The following NECTIN1 variants were observed in gnomAD, a reference collection of about 807,000 sequenced individuals.
NECTIN1 encodes the protein nectin cell adhesion molecule 1.
Under a neutral mutation model 48.0 loss-of-function variants are expected in NECTIN1, and 23 were observed. That is an observed-to-expected ratio of 0.48 (90% CI 0.34 to 0.68). NECTIN1 has a LOEUF of 0.68. NECTIN1 is among the 30% of genes least tolerant of loss of function. The probability of loss-of-function intolerance (pLI) is 0.01; values close to 1 mark genes in which losing one functional copy is unlikely to be tolerated. For synonymous variants in NECTIN1, 270 were observed against 288.9 expected (o/e 0.93, Z 0.66); for missense variants, 591 against 709.9 (o/e 0.83, Z 1.90).
Position 119,678,779 on chromosome 11 carries a change from TG to T in NECTIN1, c.80-15del. 6.3e-7 allele frequency: 1 copy of T among 1,579,186 alleles called. No homozygotes were observed. Among genetic ancestry groups the T allele is most frequent in the Non-Finnish European group, 8.6e-7 (1 of 1,159,610 alleles). ...GGGAGTGGACGCCTGGCCAGGAGGA[TG>T]GCAGCAAGTGGTCAGTGTCAGGCAC... On this transcript the variant is annotated splice_polypyrimidine_tract_variant and intron_variant, in intron 1 of 5. Transcript: ENST00000264025. The surrounding 1 kb of genome is among the most constrained non-coding windows in gnomAD (Gnocchi z 4.4).
In NECTIN1 at chr11:119,677,861, C is replaced by A. The variant is rs375284374; in HGVS notation, c.431-4G>T. 1.2e-6 allele frequency: 2 copies of A among 1,613,654 alleles called. No individual in the cohort carries two copies. The highest frequency in any genetic ancestry group is 1.7e-5 in the Admixed American group (1 of 60,016). On this transcript the variant is annotated splice_region_variant and splice_polypyrimidine_tract_variant and intron_variant, in intron 2 of 5. Transcript: ENST00000264025. This position sits in a 1 kb window ranked among gnomAD's most constrained non-coding sequence, Gnocchi z 5.4. ...TCTATCCAATTGGTGGGTTTGGCTG[C>A]GAGGAAGCAGAGAGAGTGATGGGAC...
intron 1 of NECTIN1, among the ~76,000 whole-genome samples, chr11:119,705,098 G>A (rs950340398): frequency 6.6e-6 from 1 of 152,176 alleles, no homozygotes; most frequent in Non-Finnish European, 1.5e-5. Context: ...CACATCACAG[G>A]CCAGGGTGGA....
chr11:119,652,209 G>A (rs947193995), intron 5 of NECTIN1, among the ~76,000 whole-genome samples: 2 of 152,186 alleles, frequency 1.3e-5, no homozygotes, highest in Non-Finnish European at 2.9e-5. Flanking sequence ...GGGACCAGAG[G>A]AAGGTTTTCC....
intron 1 of NECTIN1, among the ~76,000 whole-genome samples, chr11:119,717,239 G>A (rs1441441130): frequency 1.3e-5 from 2 of 152,242 alleles, no homozygotes; most frequent in Non-Finnish European, 1.5e-5. Context: ...GGTGGGGAAC[G>A]GTGCTGTGGT....
At chr11:119,676,373 T>C (rs1386247782) in intron 4 of NECTIN1, among the ~76,000 whole-genome samples, 1 of 152,186 alleles carries the variant, frequency 6.6e-6, no homozygotes, top group African/African-American at 2.4e-5. Flanking sequence ...TGGAGGATCA[T>C]AGGTAGGGCA....
chr11:119,678,463 T>C lies in NECTIN1; in HGVS notation c.382A>G (p.Thr128Ala). 1.2e-6 allele frequency: 2 copies of C among 1,614,094 alleles called. No individual in the cohort carries two copies. Among genetic ancestry groups the C allele is most frequent in the Non-Finnish European group, 1.7e-6 (2 of 1,180,018 alleles). ...CTTTCTCGATTGCCCGTAGGGAAGG[T>C]AGCAAACTCGCAGATGTAGACACCC... The part of the protein sequence containing the change: ...DEGVYICEFA[T>A]FPTGNRESQL... Residue 128 changes from threonine to alanine, a missense_variant, in exon 2 of 6, where the codon ACC (threonine) becomes GCC (alanine). Physicochemically the swap from Thr to Ala is moderately conservative, Grantham distance 58. Transcript: ENST00000264025. The surrounding 1 kb of genome is among the most constrained non-coding windows in gnomAD (Gnocchi z 4.4).
chr11:119,640,127 C>G, intron 5 of NECTIN1: 1 of 1,123,356 alleles, frequency 8.9e-7, no homozygotes, highest in South Asian at 1.3e-5. Context: ...GACATTGCAC[C>G]CCCAGCTCCC....
At chr11:119,687,945 A>G (rs1865187385) in intron 1 of NECTIN1, among the ~76,000 whole-genome samples, 1 of 151,808 alleles carries the variant, frequency 6.6e-6, no homozygotes. Flanking sequence ...TGCAGGGAAC[A>G]CTCATTCTAA....
chr11:119,680,497 G>A (rs1379492102), intron 1 of NECTIN1, among the ~76,000 whole-genome samples: 1 of 152,166 alleles, frequency 6.6e-6, no homozygotes, highest in Non-Finnish European at 1.5e-5. Context: ...TCAGCGTGAC[G>A]GGGATATTGT....
At chr11:119,689,557 G>A (rs1377356676) in intron 1 of NECTIN1, among the ~76,000 whole-genome samples, 9 of 152,212 alleles carry the variant, frequency 5.9e-5, no homozygotes, top group Non-Finnish European at 1.3e-4. Context: ...TCAGGGTGTG[G>A]GTGGGGCCCT....
intron 1 of NECTIN1, among the ~76,000 whole-genome samples, chr11:119,693,704 C>T (rs1032267624): frequency 2.0e-5 from 3 of 152,170 alleles, no homozygotes; most frequent in African/African-American, 7.2e-5. Flanking sequence ...ACGCAGGGGG[C>T]TCCAACACAC....
intron 1 of NECTIN1, among the ~76,000 whole-genome samples, chr11:119,715,812 A>G (rs939944742): frequency 1.4e-4 from 21 of 152,218 alleles, no homozygotes; most frequent in Admixed American, 1.3e-3. Flanking sequence ...CCAGGCCTCA[A>G]CCCGACTAGC....
chr11:119,688,939 G>T (rs1865207823), intron 1 of NECTIN1, among the ~76,000 whole-genome samples: 2 of 152,082 alleles, frequency 1.3e-5, no homozygotes, highest in Non-Finnish European at 2.9e-5. Flanking sequence ...GGGGCAGCGA[G>T]GGGAGGGACA....
chr11:119,665,253 C>G lies in NECTIN1; in HGVS notation c.1048G>C (p.Gly350Arg). The G allele has an allele frequency of 6.3e-7, 1 of 1,597,932 alleles. No homozygotes were observed. The highest frequency in any genetic ancestry group is 8.5e-7 in the Non-Finnish European group (1 of 1,177,136). The change falls in exon 6 of 6, where the codon GGG becomes CGG. Residue 350 changes from glycine to arginine, a missense_variant. By Grantham distance (125) the Gly-to-Arg change is moderately radical (BLOSUM62 -2). Transcript: ENST00000264025. This position sits in a 1 kb window ranked among gnomAD's most constrained non-coding sequence, Gnocchi z 5.1. ...PSPPEHGRRA[G>R]PVPTAIIGGV... ...CCAATGATGGCCGTGGGCACCGGCC[C>G]GGCGCGCCGCCCATGTTCGGGAGGA...
At chr11:119,688,694 G>C (rs1348501259) in intron 1 of NECTIN1, among the ~76,000 whole-genome samples, 2 of 152,176 alleles carry the variant, frequency 1.3e-5, no homozygotes, top group East Asian at 3.9e-4. Context: ...GTGCAGAGAG[G>C]AGTGGGAAAC....
Position 119,678,031 on chromosome 11 carries a change from T to C in NECTIN1, c.431-174A>G, listed in dbSNP as rs1005638257. ...AGAACCTCTTGCAGGAAGTTCATCATGTCTAACGTTATGTCCTCCCTGCCC... is the reference window on the plus strand; with the variant it reads ...AGAACCTCTTGCAGGAAGTTCATCACGTCTAACGTTATGTCCTCCCTGCCC... On this transcript the variant is annotated intron_variant, in intron 2 of 5. Transcript: ENST00000264025. This position sits in a 1 kb window ranked among gnomAD's most constrained non-coding sequence, Gnocchi z 4.4. Among the ~76,000 whole-genome samples the C allele has an allele frequency of 5.3e-5, 8 of 152,180 alleles. No homozygotes were observed. The highest frequency in any genetic ancestry group is 1.9e-4 in the African/African-American group (8 of 41,466).
Position 119,662,699 on chromosome 11 carries a change from T to A in NECTIN1, c.*2048A>T, listed in dbSNP as rs796350711. ...GTTGTAAGGTGGGATGGGGCAGTGA[T>A]GTAATGTGGAAAAGGTCCCCTGTCC... is the stretch of plus-strand genomic sequence containing the variant. On this transcript the variant is annotated 3_prime_UTR_variant, in exon 6 of 6. Coordinates refer to ENST00000264025, the MANE Select transcript of NECTIN1 (RefSeq NM_002855.5). The surrounding 1 kb of genome is among the most constrained non-coding windows in gnomAD (Gnocchi z 5.3). The A allele has an allele frequency of 2.0e-6, 2 of 985,476 alleles. No individual in the cohort carries two copies. Among genetic ancestry groups the A allele is most frequent in the East Asian group, 2.3e-4 (2 of 8,768 alleles). 61.0% of individuals were successfully genotyped at this position (985,476 alleles called of 1,614,324 possible). A position where few individuals can be genotyped will look rare whatever the true frequency, so the allele number is the denominator to read the frequency against.
intron 1 of NECTIN1, among the ~76,000 whole-genome samples, chr11:119,693,663 G>T (rs112390502): frequency 9.7e-4 from 147 of 152,286 alleles, no homozygotes; most frequent in Admixed American, 1.8e-3. Flanking sequence ...GGGCACTGGG[G>T]TCCTGGGAGG....
At position 119,728,683 on chromosome 11, in the gene NECTIN1, G is replaced by A; in HGVS notation, c.-130C>T. On this transcript the variant is annotated 5_prime_UTR_variant, in exon 1 of 6. The change creates a new upstream start codon in the 5' untranslated region. Transcript: ENST00000264025. ...CGAAGGATCCAGGTCAGCTGCAGCC[G>A]TCGGCCGGGGCGGGGTGGGCTGGGT... The A allele has an allele frequency of 2.4e-6, 1 of 415,480 alleles. No homozygotes were observed. The highest frequency in any genetic ancestry group is 3.7e-5 in the East Asian group (1 of 27,168). The allele number at this position is 415,480 out of a possible 1,614,324, so 25.7% of individuals were successfully genotyped here. A position where few individuals can be genotyped will look rare whatever the true frequency, so the allele number is the denominator to read the frequency against.
Sources: allele counts gnomAD v4.1 joint callset (sites outside exome capture counted in the v4.1 genomes callset), GRCh38; gene constraint gnomAD v4.1.1; non-coding constraint Gnocchi (gnomAD v3.1); transcripts MANE v1.5; gene names NCBI Gene and HGNC (gene_info 2026-07-23, HGNC 2026-07-21).